Variants in USP31 observed in about 807,000 individuals in gnomAD.
USP31 encodes ubiquitin specific peptidase 31.
Under a neutral mutation model 119.4 loss-of-function variants are expected in USP31, and 44 were observed. The ratio of observed to expected loss-of-function variants is 0.37; its 90% CI spans 0.29 to 0.47. The LOEUF is 0.47. Among genes scored for constraint, USP31 ranks in the 20% least tolerant of loss-of-function variants. The pLI is 0.99. For synonymous variants in USP31, 749 were observed against 705.6 expected, an observed-to-expected ratio of 1.06 and a Z score of -0.97; for missense variants, 1,643 against 1,730.2, an observed-to-expected ratio of 0.95 and a Z score of 0.89.
At position 23,107,950 on chromosome 16, in the gene USP31, A is replaced by G. The variant is rs1039444600; in HGVS notation, c.771+96T>C. On this transcript the variant is annotated intron_variant, in intron 2 of 15. Coordinates refer to ENST00000219689, the MANE Select transcript of USP31 (RefSeq NM_020718.4). ...CTTATACTCACCCAGAGCTTAGTCAATTTCATTGTATTAACGCAATGCAAC... is the reference window on the plus strand; with the variant it reads ...CTTATACTCACCCAGAGCTTAGTCAGTTTCATTGTATTAACGCAATGCAAC... 8 of 1,415,984 alleles carry G rather than the reference A, an allele frequency of 5.6e-6. No homozygotes were observed. The Admixed American group carries it at 7.6e-5, about 13-fold the overall frequency. The allele number at this position is 1,415,984 out of a possible 1,614,324, so 87.7% of individuals were successfully genotyped here. A position where few individuals can be genotyped will look rare whatever the true frequency, so the allele number is the denominator to read the frequency against.
intron 6 of USP31, among the ~76,000 whole-genome samples, chr16:23,098,808 T>C (rs1235615650): frequency 6.6e-6 from 1 of 152,142 alleles, no homozygotes; most frequent in African/African-American, 2.4e-5. Context: ...TTACACCTTA[T>C]ACAAAAATTA....
chr16:23,082,187 C>G (rs916006548), intron 12 of USP31, among the ~76,000 whole-genome samples: 1 of 152,164 alleles, frequency 6.6e-6, no homozygotes, highest in African/African-American at 2.4e-5. Context: ...CCAGAGTACA[C>G]TTAACAAAAT....
In USP31 at chr16:23,069,421, G is replaced by A. The variant is rs779184331; in HGVS notation, c.2684C>T (p.Thr895Ile). The change falls in exon 16 of 16, where the codon ACC becomes ATC. Residue 895 changes from threonine (T) to isoleucine (I), a missense_variant. This residue lies in a region of USP31 where 699 missense variants were observed against 650.9 expected (regional missense o/e 1.07). Transcript: ENST00000219689. ...GDSPIHSSAS[T>I]LEKIGEAADD... The stretch of plus-strand genomic sequence containing the variant: ...TGCTGCCTCCCCAATCTTCTCCAAG[G>A]TGGAAGCAGAGCTGTGAATTGGCGA... The A allele has an allele frequency of 3.7e-6, 6 of 1,614,108 alleles. No homozygotes were observed. The Admixed American group carries it at 5.0e-5, about 13-fold the overall frequency.
intron 10 of USP31, 108 bp downstream of exon 10, chr16:23,085,476 TA>T (rs1901066828): frequency 2.0e-6 from 2 of 1,017,634 alleles, no homozygotes; most frequent in Non-Finnish European, 3.0e-6. Flanking sequence ...GATACTTAGC[TA>T]AAGAGAAGAG....
chr16:23,109,782 G>C (rs979019111), intron 1 of USP31, among the ~76,000 whole-genome samples: 3 of 150,898 alleles, frequency 2.0e-5, no homozygotes, highest in Admixed American at 6.6e-5. Context: ...AAAAACCCAT[G>C]GCCTCAGTCT....
In USP31 at chr16:23,072,112, G is replaced by A. The variant is rs748872403; in HGVS notation, c.2421C>T (p.Ser807=). 6 of 1,613,530 alleles carry A rather than the reference G, an allele frequency of 3.7e-6. No homozygotes were observed. Among genetic ancestry groups the A allele is most frequent in the Non-Finnish European group, 5.1e-6 (6 of 1,180,034 alleles). Residue 807 remains serine (S), a synonymous_variant, in exon 15 of 16, where the codon TCC becomes TCT. Coordinates refer to ENST00000219689, the MANE Select transcript of USP31 (RefSeq NM_020718.4). ...AGAGCGACGCCAGGGAGGTGCGTCTGGAGGAAGCTGCAGAGGTCACGCTGG... is the reference window on the plus strand; with the variant it reads ...AGAGCGACGCCAGGGAGGTGCGTCTAGAGGAAGCTGCAGAGGTCACGCTGG... ...KPASVTSAAS[S]RRTSLASLSE...
chr16:23,145,111 C>T (rs1386526534), intron 1 of USP31, among the ~76,000 whole-genome samples: 1 of 152,190 alleles, frequency 6.6e-6, no homozygotes, highest in Non-Finnish European at 1.5e-5. Flanking sequence ...TTTCATGCAA[C>T]TCCACCACTT....
chr16:23,138,382 G>A (rs1318408983), intron 1 of USP31, among the ~76,000 whole-genome samples: 1 of 152,156 alleles, frequency 6.6e-6, no homozygotes, highest in East Asian at 1.9e-4. Flanking sequence ...GTTTCAAAGA[G>A]GCTAAGATAC....
chr16:23,111,033 C>G (rs1902299903), intron 1 of USP31, among the ~76,000 whole-genome samples: 1 of 152,104 alleles, frequency 6.6e-6, no homozygotes, highest in African/African-American at 2.4e-5. Flanking sequence ...GAGGCTGAGG[C>G]AGGAGAATGG....
chr16:23,070,439 C>T (rs944336309), intron 15 of USP31, among the ~76,000 whole-genome samples: 26 of 152,084 alleles, frequency 1.7e-4, no homozygotes, highest in Admixed American at 1.3e-4. Context: ...AGAGGCCAGG[C>T]GTGGTGGCTC....
At position 23,068,591 on chromosome 16, in the gene USP31, A is replaced by T. The variant is rs749897343; in HGVS notation, c.3514T>A (p.Ser1172Thr). 1.5e-5 allele frequency: 24 copies of T among 1,613,932 alleles called. No homozygotes were observed. The highest frequency in any genetic ancestry group is 1.7e-5 in the Admixed American group (1 of 60,000). Residue 1172 changes from serine (S) to threonine (T), a missense_variant, in exon 16 of 16, where the codon TCC becomes ACC. Transcript: ENST00000219689. ...SLGSDRASATSTSKPNSPRVS... is the reference protein window; with the variant it reads ...SLGSDRASATTTSKPNSPRVS... The stretch of plus-strand genomic sequence containing the variant: ...CGAGGGGAATTGGGTTTGGAGGTGG[A>T]GGTGGCGCTGGCTCTGTCAGAACCC...
At chr16:23,119,492 T>C (rs1902599758) in intron 1 of USP31, among the ~76,000 whole-genome samples, 2 of 152,172 alleles carry the variant, frequency 1.3e-5, no homozygotes, top group African/African-American at 4.8e-5. Flanking sequence ...AAATGATTTG[T>C]CCCCATATAG....
intron 11 of USP31, among the ~76,000 whole-genome samples, chr16:23,084,533 G>C (rs1285324121): frequency 6.6e-6 from 1 of 151,986 alleles, no homozygotes; most frequent in Non-Finnish European, 1.5e-5. Context: ...AAAAAGTCAA[G>C]AATCACTGTT....
In USP31 at chr16:23,061,914, T is replaced by C. The variant is rs1435651310; in HGVS notation, c.*6132A>G. On this transcript the variant is annotated 3_prime_UTR_variant, in exon 16 of 16. Coordinates refer to ENST00000219689, the MANE Select transcript of USP31 (RefSeq NM_020718.4). ...GGCACAGTTGGTGAGCAGACCTCTATGGAATGCAAACACGTATTTGAAAGG... is the reference window on the plus strand; with the variant it reads ...GGCACAGTTGGTGAGCAGACCTCTACGGAATGCAAACACGTATTTGAAAGG... 6.6e-6 allele frequency: 1 copy of C among 152,666 alleles called. No homozygotes were observed. Among genetic ancestry groups the C allele is most frequent in the Admixed American group, 6.5e-5 (1 of 15,286 alleles). 9.5% of individuals were successfully genotyped at this position (152,666 alleles called of 1,614,324 possible).
At chr16:23,146,338 C>G (rs1903503144) in intron 1 of USP31, among the ~76,000 whole-genome samples, 1 of 152,000 alleles carries the variant, frequency 6.6e-6, no homozygotes, top group Non-Finnish European at 1.5e-5. Flanking sequence ...CGCCTGTAAT[C>G]TCAGCACTTG....
chr16:23,123,742 G>A (rs1457388254), intron 1 of USP31, among the ~76,000 whole-genome samples: 2 of 152,144 alleles, frequency 1.3e-5, no homozygotes, highest in East Asian at 3.9e-4. Flanking sequence ...TCTCATGCCT[G>A]TAATCCCAAC....
At chr16:23,087,646 C>A in intron 8 of USP31, 78 bp downstream of exon 8, 2 of 1,350,128 alleles carry the variant, frequency 1.5e-6, no homozygotes, top group Non-Finnish European at 1.0e-6. Context: ...ACACAAGAAA[C>A]TCAAATTTCA....
intron 11 of USP31, 96 bp downstream of exon 11, chr16:23,084,764 C>G: frequency 6.5e-7 from 1 of 1,527,150 alleles, no homozygotes; most frequent in Non-Finnish European, 8.9e-7. Flanking sequence ...AATCCTGCGG[C>G]GACTTCTGGG....
At chr16:23,096,221 C>T (rs1305419625) in intron 6 of USP31, among the ~76,000 whole-genome samples, 3 of 151,842 alleles carry the variant, frequency 2.0e-5, no homozygotes, top group Admixed American at 2.0e-4. Flanking sequence ...AGAATTTAAA[C>T]CAACAAAGAT....
Sources: gnomAD v4.1 joint callset for allele counts (sites outside exome capture counted in the v4.1 genomes callset) on GRCh38, gnomAD v4.1.1 for gene constraint, gnomAD v4.1.1 regional missense constraint, MANE v1.5 for transcripts, NCBI Gene and HGNC (gene_info 2026-07-23, HGNC 2026-07-21) for gene names.